KCNN1: variants seen among roughly 807,000 people sequenced by gnomAD.
The protein encoded by KCNN1 is potassium calcium-activated channel subfamily N member 1, also known as small conductance calcium-activated potassium channel protein 1.
Under a neutral mutation model 44.7 loss-of-function variants are expected in KCNN1, and 20 were observed. The ratio of observed to expected loss-of-function variants is 0.45; its 90% CI spans 0.32 to 0.65. The LOEUF (loss-of-function observed/expected upper bound fraction) is 0.65. Ranked by LOEUF, KCNN1 falls within the 30% of genes least tolerant of loss-of-function variation. The pLI is 0.05. For synonymous variants in KCNN1, 324 were observed against 341.7 expected (o/e 0.95, Z 0.57); for missense variants, 632 against 785.3 (o/e 0.80, Z 2.33).
At chr19:17,959,163 T>A (rs1425000285) in intron 2 of KCNN1, among the ~76,000 whole-genome samples, 1 of 151,718 alleles carries the variant, frequency 6.6e-6, no homozygotes, top group East Asian at 1.9e-4. Flanking sequence ...TAGCTGGGAT[T>A]ATACGCGTGC....
chr19:17,954,213 G>A (rs1014767824), intron 1 of KCNN1, among the ~76,000 whole-genome samples: 4 of 152,136 alleles, frequency 2.6e-5, no homozygotes, highest in East Asian at 1.9e-4. Context: ...ACCATTGTAC[G>A]TAATAGGCTG....
intron 1 of KCNN1, 24 bp from the exon 2 acceptor site, chr19:17,973,784 C>A: frequency 6.7e-7 from 1 of 1,485,122 alleles, no homozygotes; most frequent in Non-Finnish European, 8.9e-7. Flanking sequence ...CCTGCTGTGA[C>A]CATGTCCCTC....
chr19:17,975,682 A>T (rs929086599), intron 3 of KCNN1, among the ~76,000 whole-genome samples: 4 of 151,290 alleles, frequency 2.6e-5, no homozygotes, highest in Non-Finnish European at 4.4e-5. Context: ...CAGCCTCCCA[A>T]AGTGCTAGGA....
chr19:17,998,675 C>T lies in KCNN1; in HGVS notation c.*269C>T, dbSNP rs976609200. On this transcript the variant is annotated 3_prime_UTR_variant, in exon 10 of 10. Coordinates refer to ENST00000684775, the MANE Select transcript of KCNN1 (RefSeq NM_001386974.1). This position sits in a 1 kb window ranked among gnomAD's most constrained non-coding sequence, Gnocchi z 5.4. ...GCATGGAGCAGCCCGGGGAGGGGTCCGTGCTGGTTCTGAATAAAGCAGGAC... is the reference window on the plus strand; with the variant it reads ...GCATGGAGCAGCCCGGGGAGGGGTCTGTGCTGGTTCTGAATAAAGCAGGAC... 1.1e-4 allele frequency: 46 copies of T among 405,008 alleles called. No individual in the cohort carries two copies. Among genetic ancestry groups the T allele is most frequent in the Admixed American group, 8.2e-5 (2 of 24,518 alleles). 25.1% of individuals were successfully genotyped at this position (405,008 alleles called of 1,614,324 possible).
Position 17,975,105 on chromosome 19 carries a change from C to T in KCNN1, c.416C>T (p.Ser139Leu). Reference sequence around the variant, plus strand: ...TCTCTTTACCAGGAGTCTCTGTACTCATTCGCACTCAAATGCCTCATCAGC... The same window carrying T: ...TCTCTTTACCAGGAGTCTCTGTACTTATTCGCACTCAAATGCCTCATCAGC... ...WGVYTKESLYSFALKCLISLS... is the reference protein window; with the variant it reads ...WGVYTKESLYLFALKCLISLS... Residue 139 changes from serine (S) to leucine (L), a missense_variant, in exon 3 of 10, where the codon TCA becomes TTA. Physicochemically the swap from Ser to Leu is moderately radical, Grantham distance 145 (BLOSUM62 -2). Around this residue, in one of 3 missense-constraint regions of KCNN1, gnomAD observed 235 missense variants for 224.0 expected, o/e 1.05. Coordinates refer to ENST00000684775, the MANE Select transcript of KCNN1 (RefSeq NM_001386974.1). The T allele has an allele frequency of 6.2e-7, 1 of 1,613,628 alleles. No individual in the cohort carries two copies. Among genetic ancestry groups the T allele is most frequent in the Non-Finnish European group, 8.5e-7 (1 of 1,179,578 alleles).
Position 18,000,050 on chromosome 19 carries a change from A to G in KCNN1, c.*1644A>G. On this transcript the variant is annotated 3_prime_UTR_variant, in exon 10 of 10. Coordinates refer to ENST00000684775, the MANE Select transcript of KCNN1 (RefSeq NM_001386974.1). ...GGGCCAGGCAACTGGTAGGTGCTCA[A>G]TAAATGCTCCTTCCCGCCTGAGGGA... 1 of 455,888 alleles carries G rather than the reference A, an allele frequency of 2.2e-6. No homozygotes were observed. Among genetic ancestry groups the G allele is most frequent in the South Asian group, 1.5e-5 (1 of 64,556 alleles). 28.2% of individuals were successfully genotyped at this position (455,888 alleles called of 1,614,324 possible).
At chr19:17,989,574 A>G in intron 6 of KCNN1, 142 bp from the exon 7 acceptor site, 1 of 1,180,880 alleles carries the variant, frequency 8.5e-7, no homozygotes, top group South Asian at 1.3e-5. Context: ...GTTGTTGTAC[A>G]AGCATGGCCC....
chr19:17,962,598 A>G (rs1257259510), upstream of KCNN1, among the ~76,000 whole-genome samples: 1 of 152,110 alleles, frequency 6.6e-6, no homozygotes, highest in Middle Eastern at 3.2e-3. Flanking sequence ...CCGAGAGCTC[A>G]GGAACAAGCC....
At chr19:17,995,362 T>C (rs1223683151) in intron 9 of KCNN1, among the ~76,000 whole-genome samples, 1 of 151,900 alleles carries the variant, frequency 6.6e-6, no homozygotes, top group Non-Finnish European at 1.5e-5. Flanking sequence ...TTTGTAGAGA[T>C]GGGGTTTCAC....
rs2031677047 is a variant in KCNN1, at chr19:17,961,510, T to C, written c.-82+6829T>C. Among the ~76,000 whole-genome samples, 5 of 152,054 alleles carry C rather than the reference T, an allele frequency of 3.3e-5. No individual in the cohort carries two copies. The South Asian group carries it at 1.0e-3, about 32-fold the overall frequency. ...GCGTGATCGTGCCACTGCACTCCAG[T>C]GTGGGTGAGAGAGTGAGACCCAGCT... On this transcript the variant is annotated intron_variant, in intron 2 of 10. Coordinates refer to the KCNN1 transcript ENST00000222249.
chr19:17,956,949 G>A (rs1248628159), intron 2 of KCNN1, among the ~76,000 whole-genome samples: 2 of 151,788 alleles, frequency 1.3e-5, no homozygotes, highest in Non-Finnish European at 2.9e-5. Flanking sequence ...TCAGGAGGCT[G>A]AGGCAGGCAG....
intron 4 of KCNN1, chr19:17,982,495 G>A (rs978488014): frequency 2.0e-4 from 193 of 948,780 alleles, no homozygotes; most frequent in Non-Finnish European, 2.3e-4. Flanking sequence ...ATGCCTCCCC[G>A]TCCCCTCTGT....
In KCNN1 at chr19:17,983,787, C is replaced by T. The variant is rs904101083; in HGVS notation, c.918-1525C>T. 2.0e-5 allele frequency among the ~76,000 whole-genome samples: 3 copies of T among 151,908 alleles called. No individual in the cohort carries two copies. The highest frequency in any genetic ancestry group is 4.8e-5 in the African/African-American group (2 of 41,388). ...CTGGATCTGGGGCTCACCCACCCAC[C>T]GACTAGAGGGCACCCCCCCGCCCCT... On this transcript the variant is annotated intron_variant, in intron 4 of 9. Transcript: ENST00000684775. The surrounding 1 kb of genome is among the most constrained non-coding windows in gnomAD (Gnocchi z 4.5).
chr19:17,977,088 A>T lies in KCNN1; in HGVS notation c.498+1901A>T, dbSNP rs558400568. Among the ~76,000 whole-genome samples the T allele has an allele frequency of 7.9e-5, 12 of 152,190 alleles. No homozygotes were observed. In the South Asian group the frequency reaches 2.5e-3, roughly 32 times the overall value. On this transcript the variant is annotated intron_variant, in intron 3 of 9. Transcript: ENST00000684775. ...ATTGTCTGAAAGTCTGGAGTATAGAAGTCTGAGATCAAGGCGTTAGCAGGG... is the reference window on the plus strand; with the variant it reads ...ATTGTCTGAAAGTCTGGAGTATAGATGTCTGAGATCAAGGCGTTAGCAGGG...
At chr19:17,960,395 C>T (rs1329624559) in intron 2 of KCNN1, among the ~76,000 whole-genome samples, 2 of 151,742 alleles carry the variant, frequency 1.3e-5, no homozygotes, top group Non-Finnish European at 2.9e-5. Context: ...TTTGGGAGGC[C>T]GAGGCGGGTG....
intron 7 of KCNN1, among the ~76,000 whole-genome samples, chr19:17,991,190 C>A (rs1184452022): frequency 6.6e-6 from 1 of 151,762 alleles, no homozygotes; most frequent in Non-Finnish European, 1.5e-5. Context: ...GTGACTCACA[C>A]CTCGTAATCC....
intron 5 of KCNN1, among the ~76,000 whole-genome samples, chr19:17,985,694 CA>C (rs1253203074): frequency 6.6e-6 from 1 of 152,190 alleles, no homozygotes; most frequent in African/African-American, 2.4e-5. Context: ...CCTAGATATG[CA>C]GCTCCCACCA....
At chr19:17,988,557 C>A in intron 6 of KCNN1, 32 bp downstream of exon 6, 2 of 1,514,376 alleles carry the variant, frequency 1.3e-6, no homozygotes, top group Non-Finnish European at 1.8e-6. Flanking sequence ...GAGGCCGCCT[C>A]CTGGCCTTGT....
exon 1 of KCNN1, chr19:17,951,339 G>C (rs1568442051): frequency 6.6e-6 from 1 of 152,382 alleles, no homozygotes; most frequent in Non-Finnish European, 1.5e-5. Context: ...TGTTGGAGGG[G>C]GCAGCTGAAG....
Sources: allele counts gnomAD v4.1 joint callset (sites outside exome capture counted in the v4.1 genomes callset), GRCh38; gene constraint gnomAD v4.1.1; regional missense constraint gnomAD v4.1.1; non-coding constraint Gnocchi (gnomAD v3.1); transcripts MANE v1.5; gene names NCBI Gene and HGNC (gene_info 2026-07-23, HGNC 2026-07-21).